The following PSG6 variants were observed in gnomAD, a reference collection of about 807,000 sequenced individuals.
The protein encoded by PSG6 is pregnancy-specific beta-1-glycoprotein 6.
Under a neutral mutation model 43.3 loss-of-function variants are expected in PSG6, and 51 were observed. That is an observed-to-expected ratio of 1.18 (90% CI 0.94 to 1.49). PSG6 has a LOEUF of 1.49. Among genes scored for constraint, PSG6 ranks in the 40% most tolerant of loss-of-function variants. The pLI is 0.00. For synonymous variants in PSG6, 292 were observed against 197.6 expected (o/e 1.48, Z -4.01); for missense variants, 770 against 522.2 (o/e 1.47, Z -4.62).
chr19:42,914,223 G>A (rs991634919), intron 2 of PSG6, among the ~76,000 whole-genome samples: 1 of 151,424 alleles, frequency 6.6e-6, no homozygotes. Flanking sequence ...TGGCTCGAGA[G>A]GAAGCCTGGC....
chr19:42,907,901 C>T (rs377304176), intron 3 of PSG6, 47 bp from the exon 4 acceptor site: 1 of 1,595,934 alleles, frequency 6.3e-7, no homozygotes. Flanking sequence ...TTTGATTCCT[C>T]CACAGGCATC....
At chr19:42,910,527 C>T (rs781677442) in intron 3 of PSG6, 53 bp downstream of exon 3, 8 of 1,612,360 alleles carry the variant, frequency 5.0e-6, no homozygotes, top group Admixed American at 1.7e-5. Context: ...TGGCCTCTGG[C>T]CACTTGTATT....
rs563398832 is a variant in PSG6, at chr19:42,902,472, C to A, written c.1241-26G>T. ...CTGATTGACAGAAGGCCCAGGTCAG[C>A]GCATTTCAAATTCACTACCTCCTTT... On this transcript the variant is annotated intron_variant, in intron 5 of 5. Coordinates refer to ENST00000187910, the MANE Select transcript of PSG6 (RefSeq NM_001031850.4). The A allele has an allele frequency of 2.0e-5, 32 of 1,607,404 alleles. 2 individuals carry two copies. In the South Asian group the frequency reaches 3.1e-4, roughly 16 times the overall value.
chr19:42,910,080 A>G (rs1239406899), intron 3 of PSG6: 1 of 199,298 alleles, frequency 5.0e-6, no homozygotes, highest in African/African-American at 2.3e-5. Flanking sequence ...ATGCTCTGCC[A>G]GTGGGTGAGA....
At chr19:42,914,810 G>T (rs1214456451) in intron 2 of PSG6, among the ~76,000 whole-genome samples, 1 of 151,650 alleles carries the variant, frequency 6.6e-6, no homozygotes, top group Non-Finnish European at 1.5e-5. Context: ...GGCAGGGTGT[G>T]AGTGGGGAAA....
Position 42,917,742 on chromosome 19 carries a change from C to T in PSG6, c.51G>A (p.Gly17=), listed in dbSNP as rs142685207. The T allele has an allele frequency of 1.9e-6, 3 of 1,610,188 alleles. No homozygotes were observed. The highest frequency in any genetic ancestry group is 3.3e-5 in the Admixed American group (2 of 59,814). ...TCCTCTCCTCACCTGTGAGCAGGAG[C>T]CCCTTCCAGGTGATGTGCTGAGTGC... ...PPCTQHITWK[G]LLLTASLLNF... Residue 17 remains glycine, a synonymous_variant, in exon 1 of 6, where the codon GGG becomes GGA. Transcript: ENST00000187910.
chr19:42,914,847 C>G (rs1185248001), intron 2 of PSG6, among the ~76,000 whole-genome samples: 2 of 145,686 alleles, frequency 1.4e-5, no homozygotes, highest in African/African-American at 5.3e-5. Context: ...CCTTGATCCT[C>G]TCATGACGGT....
intron 3 of PSG6, among the ~76,000 whole-genome samples, chr19:42,909,076 G>C (rs1600543121): frequency 1.3e-5 from 2 of 151,708 alleles, no homozygotes; most frequent in African/African-American, 2.4e-5. Context: ...TCAAATATTT[G>C]TCATATACTT....
At chr19:42,907,258 C>A in intron 4 of PSG6, 82 bp from the exon 5 acceptor site, 1 of 1,544,310 alleles carries the variant, frequency 6.5e-7, no homozygotes, top group Non-Finnish European at 8.7e-7. Context: ...ACACAGTGAC[C>A]CTCTGAACCA....
rs148859317 is a variant in PSG6, at chr19:42,910,737, A to G, written c.549T>C (p.Gly183=). ...PDASYLWLLN[G]QNLPMTHRLQ... ...ACCTGTGAGTCATAGGGAGGTTCTG[A>G]CCATTCAGCAACCACAGGTAGCTTG... The change falls in exon 3 of 6, where the codon GGT becomes GGC. Residue 183 remains glycine (G), a synonymous_variant. Transcript: ENST00000187910. The G allele has an allele frequency of 7.8e-4, 1,264 of 1,612,258 alleles. 29 individuals carry two copies. The African/African-American group carries it at 0.015, about 19-fold the overall frequency.
rs1157568928 is a variant in PSG6 at position 42,907,026 on chromosome 19, A to G, written c.1136T>C (p.Phe379Ser). 1.2e-6 allele frequency: 2 copies of G among 1,612,550 alleles called. No homozygotes were observed. The highest frequency in any genetic ancestry group is 2.2e-5 in the East Asian group (1 of 44,806). Residue 379 changes from phenylalanine to serine, a missense_variant, in exon 5 of 6, where the codon TTT (phenylalanine) becomes TCT (serine). Transcript: ENST00000187910. ...ATGATTTGTAGTAATTTGGGGGATA[A>G]AGAGCTTTTGTCCTGATAGCTGAAA... ...GKFQLSGQKL[F>S]IPQITTNHSG... is the part of the protein sequence containing the mutation.
intron 5 of PSG6, among the ~76,000 whole-genome samples, chr19:42,905,082 G>C (rs1972091002): frequency 6.6e-6 from 1 of 151,580 alleles, no homozygotes; most frequent in Admixed American, 6.6e-5. Flanking sequence ...ATATCCAAGG[G>C]CAAGAAGAGT....
In PSG6 at chr19:42,902,325, A is replaced by G; in HGVS notation, c.*87T>C. On this transcript the variant is annotated 3_prime_UTR_variant, in exon 6 of 6. Coordinates refer to ENST00000187910, the MANE Select transcript of PSG6 (RefSeq NM_001031850.4). ...ATTATCCTTTTGATTATTTAGTCCA[A>G]TAACATTGAGTTTTTTTCTTCTTTG... The G allele has an allele frequency of 7.4e-6, 11 of 1,487,104 alleles. No homozygotes were observed. Among genetic ancestry groups the G allele is most frequent in the Non-Finnish European group, 1.0e-5 (11 of 1,080,034 alleles). The allele number at this position is 1,487,104 out of a possible 1,614,324, so 92.1% of individuals were successfully genotyped here.
Position 42,916,176 on chromosome 19 carries a change from G to T in PSG6, c.376C>A (p.Arg126=), listed in dbSNP as rs752118246. 1 of 1,612,066 alleles carries T rather than the reference G, an allele frequency of 6.2e-7. No homozygotes were observed. The highest frequency in any genetic ancestry group is 2.2e-5 in the East Asian group (1 of 44,772). The change falls in exon 2 of 6, where the codon CGA becomes AGA. Residue 126 remains arginine, a synonymous_variant. Transcript: ENST00000187910. ...GTTACTCCTCCAGTCCCATCGCCTC[G>T]CTTTATGATGTGTAAGGTGTAGGAT... The part of the protein sequence containing the change: ...AGSYTLHIIK[R]GDGTGGVTGY...
At chr19:42,917,158 G>T (rs1600552625) in intron 1 of PSG6, among the ~76,000 whole-genome samples, 1 of 151,070 alleles carries the variant, frequency 6.6e-6, no homozygotes, top group South Asian at 2.1e-4. Context: ...GGTGTCATCT[G>T]ATATAGTCAT....
chr19:42,914,801 G>T (rs552199542), intron 2 of PSG6, among the ~76,000 whole-genome samples: 1 of 151,710 alleles, frequency 6.6e-6, no homozygotes, highest in South Asian at 2.1e-4. Context: ...CTGTGCTGAG[G>T]CAGGGTGTGA....
At position 42,909,174 on chromosome 19, in the gene PSG6, G is replaced by A. The variant is rs1972173283; in HGVS notation, c.707-1320C>T. Among the ~76,000 whole-genome samples the A allele has an allele frequency of 1.3e-5, 2 of 151,804 alleles. 1 individual carries two copies. Among genetic ancestry groups the A allele is most frequent in the Non-Finnish European group, 2.9e-5 (2 of 67,924 alleles). On this transcript the variant is annotated intron_variant, in intron 3 of 5. Coordinates refer to ENST00000187910, the MANE Select transcript of PSG6 (RefSeq NM_001031850.4). The stretch of plus-strand genomic sequence containing the variant: ...TTCAGCATCAGATTAGTAGGCAAAA[G>A]TGGGAGGTGATAAGCCAGATATATT...
At chr19:42,906,079 C>T (rs1217958892) in intron 5 of PSG6, among the ~76,000 whole-genome samples, 3 of 151,504 alleles carry the variant, frequency 2.0e-5, no homozygotes, top group African/African-American at 4.9e-5. Flanking sequence ...CGTGGTCTTG[C>T]CCTCTCTATA....
rs1223087866 is a variant in PSG6 at position 42,902,186 on chromosome 19, A to G, written c.*226T>C. On this transcript the variant is annotated 3_prime_UTR_variant, in exon 6 of 6. Transcript: ENST00000187910. The stretch of plus-strand genomic sequence containing the variant: ...GATAGAGAGCAAAAGCAAATGTTTC[A>G]ATTTTTGTTTACAAAAGTATACTTT... 5.6e-6 allele frequency: 3 copies of G among 533,184 alleles called. No homozygotes were observed. Among genetic ancestry groups the G allele is most frequent in the Non-Finnish European group, 9.8e-6 (3 of 306,920 alleles). The allele number at this position is 533,184 out of a possible 1,614,324, so 33.0% of individuals were successfully genotyped here.
Sources: allele counts gnomAD v4.1 joint callset (sites outside exome capture counted in the v4.1 genomes callset), GRCh38; gene constraint gnomAD v4.1.1; transcripts MANE v1.5; gene names NCBI Gene and HGNC (gene_info 2026-07-23, HGNC 2026-07-21).